The following WWOX variants were observed in gnomAD, a reference collection of about 807,000 sequenced individuals.
WWOX encodes the protein WW domain-containing oxidoreductase.
Under a neutral mutation model 46.2 loss-of-function variants are expected in WWOX, and 69 were observed. The observed-to-expected ratio is 1.49, with a 90% CI of 1.23 to 1.82. The LOEUF (loss-of-function observed/expected upper bound fraction) is 1.82. Among genes scored for constraint, WWOX ranks in the 40% most tolerant of loss-of-function variants. WWOX has a pLI of 0.00. For synonymous variants in WWOX, 359 were observed against 202.6 expected (o/e 1.77, Z -6.56); for missense variants, 919 against 542.6 (o/e 1.69, Z -6.89).
chr16:78,889,706 A>G (rs771439532), intron 8 of WWOX, among the ~76,000 whole-genome samples: 4 of 152,000 alleles, frequency 2.6e-5, no homozygotes, highest in South Asian at 2.1e-4. Flanking sequence ...GCAGGTGACA[A>G]TTTCTGCAGG....
At chr16:79,040,688 C>T (rs1052726532) in intron 8 of WWOX, among the ~76,000 whole-genome samples, 5 of 152,108 alleles carry the variant, frequency 3.3e-5, no homozygotes, top group African/African-American at 1.2e-4. Flanking sequence ...TCCCCAGCTA[C>T]CCTGCAAAAG....
intron 8 of WWOX, among the ~76,000 whole-genome samples, chr16:78,500,467 T>C (rs1567608578): frequency 1.3e-5 from 2 of 152,072 alleles, no homozygotes; most frequent in African/African-American, 2.4e-5. Flanking sequence ...TGTTTTTTTT[T>C]AGATCGCTGC....
intron 6 of WWOX, among the ~76,000 whole-genome samples, chr16:78,406,870 C>T (rs2151947290): frequency 6.6e-6 from 1 of 152,312 alleles, no homozygotes; most frequent in East Asian, 1.9e-4. Flanking sequence ...AAGTGATCCG[C>T]CCGCTTCAGC....
intron 8 of WWOX, among the ~76,000 whole-genome samples, chr16:79,027,067 C>T (rs550460703): frequency 6.6e-5 from 10 of 151,498 alleles, no homozygotes; most frequent in African/African-American, 2.0e-4. Flanking sequence ...ATCACGTGAG[C>T]CCAGCAGTTC....
chr16:79,010,339 G>C (rs2047278980), intron 8 of WWOX, among the ~76,000 whole-genome samples: 1 of 152,104 alleles, frequency 6.6e-6, no homozygotes, highest in Non-Finnish European at 1.5e-5. Flanking sequence ...CGACAGATGG[G>C]ACCAGGGCCT....
At chr16:78,504,181 G>T (rs534386807) in intron 8 of WWOX, among the ~76,000 whole-genome samples, 16 of 152,268 alleles carry the variant, frequency 1.1e-4, no homozygotes, top group African/African-American at 3.8e-4. Context: ...GAAATACCAG[G>T]TGTATAGAAA....
At chr16:78,519,277 G>C (rs993868410) in intron 8 of WWOX, among the ~76,000 whole-genome samples, 6 of 152,050 alleles carry the variant, frequency 3.9e-5, no homozygotes, top group Admixed American at 3.9e-4. Flanking sequence ...CCCAATGAGG[G>C]CCACAGAGCT....
intron 8 of WWOX, among the ~76,000 whole-genome samples, chr16:78,742,503 C>T (rs1026701179): frequency 6.6e-6 from 1 of 152,168 alleles, no homozygotes; most frequent in Non-Finnish European, 1.5e-5. Context: ...ACCAGAGCCT[C>T]TGGTATGTAC....
chr16:78,169,920 T>A (rs1462943398), intron 5 of WWOX, among the ~76,000 whole-genome samples: 1 of 152,100 alleles, frequency 6.6e-6, no homozygotes, highest in Non-Finnish European at 1.5e-5. Context: ...GACTGGCCAT[T>A]AGTATAGCGA....
chr16:78,121,818 C>T (rs530181597), intron 4 of WWOX, among the ~76,000 whole-genome samples: 9 of 152,084 alleles, frequency 5.9e-5, no homozygotes, highest in Non-Finnish European at 1.0e-4. Context: ...CACACCACCA[C>T]TCCCTACTAA....
chr16:78,486,709 G>C (rs1007986932), intron 8 of WWOX, among the ~76,000 whole-genome samples: 3 of 152,186 alleles, frequency 2.0e-5, no homozygotes, highest in African/African-American at 4.8e-5. Context: ...GCGTAGCTGG[G>C]ATTACAGGTG....
intron 1 of WWOX, among the ~76,000 whole-genome samples, chr16:78,100,831 A>G (rs994251071): frequency 3.3e-5 from 5 of 152,166 alleles, no homozygotes; most frequent in Non-Finnish European, 7.3e-5. Flanking sequence ...TCGGCACCTT[A>G]GAATCACCTA....
intron 8 of WWOX, among the ~76,000 whole-genome samples, chr16:78,572,366 C>T (rs1166510298): frequency 2.0e-5 from 3 of 152,056 alleles, no homozygotes; most frequent in Admixed American, 6.6e-5. Flanking sequence ...AGGCCACAGT[C>T]GGCAGATGGC....
At chr16:78,589,490 T>C (rs967148956) in intron 8 of WWOX, among the ~76,000 whole-genome samples, 2 of 152,160 alleles carry the variant, frequency 1.3e-5, no homozygotes, top group Non-Finnish European at 2.9e-5. Context: ...CTTTTCCTCA[T>C]CATCTCAGCC....
chr16:78,864,512 GC>G (rs2043959890), intron 8 of WWOX, among the ~76,000 whole-genome samples: 1 of 151,984 alleles, frequency 6.6e-6, no homozygotes. Context: ...CAGGAGATCC[GC>G]CTGCCTTGGC....
chr16:79,122,443 CTTCT>C (rs1375350778), intron 8 of WWOX, among the ~76,000 whole-genome samples: 2 of 152,120 alleles, frequency 1.3e-5, no homozygotes, highest in African/African-American at 4.8e-5. Context: ...CACGGCATCT[CTTCT>C]TTCTTTTTCT....
intron 8 of WWOX, among the ~76,000 whole-genome samples, chr16:78,692,297 T>A (rs192566434): frequency 6.6e-6 from 1 of 152,350 alleles, no homozygotes; most frequent in Non-Finnish European, 1.5e-5. Context: ...TGTTTTCCAA[T>A]TCCTTTTGAA....
rs148187689 is a variant in WWOX at position 78,491,149 on chromosome 16, C to A, written c.1056+58397C>A. Among the ~76,000 whole-genome samples the A allele has an allele frequency of 8.3e-3, 1,260 of 152,268 alleles. 17 individuals are homozygous for A. Among genetic ancestry groups the A allele is most frequent in the Non-Finnish European group, 9.2e-3 (624 of 68,022 alleles). On this transcript the variant is annotated intron_variant, in intron 8 of 8. Coordinates refer to ENST00000566780, the MANE Select transcript of WWOX (RefSeq NM_016373.4). ...TTCTTGTCTATTGGCAAAAGGCTCT[C>A]CATCCTTCAAAATCCAGCTCTTGGC...
intron 8 of WWOX, among the ~76,000 whole-genome samples, chr16:79,119,359 T>C (rs979559182): frequency 3.3e-5 from 5 of 152,178 alleles, no homozygotes; most frequent in African/African-American, 1.2e-4. Context: ...TTTCGTTATA[T>C]TAATGGATGA....
Sources: allele counts gnomAD v4.1 joint callset (sites outside exome capture counted in the v4.1 genomes callset), GRCh38; gene constraint gnomAD v4.1.1; transcripts MANE v1.5; gene names NCBI Gene and HGNC (gene_info 2026-07-23, HGNC 2026-07-21).